The following DPP6 variants were observed in gnomAD, a reference collection of about 807,000 sequenced individuals.
The protein encoded by DPP6 is dipeptidyl peptidase like 6.
A neutral mutation model predicts 122.6 loss-of-function variants in DPP6; 69 were observed. The observed-to-expected ratio is 0.56, with a 90% CI of 0.46 to 0.69. The LOEUF is 0.69. DPP6 is among the 30% of genes least tolerant of loss of function. The pLI, the probability that DPP6 is intolerant of heterozygous loss-of-function variation, is 0.00. For synonymous variants in DPP6, 418 were observed against 433.1 expected, an observed-to-expected ratio of 0.97 and a Z score of 0.43; for missense variants, 928 against 1,116.9, an observed-to-expected ratio of 0.83 and a Z score of 2.41.
chr7:154,403,656 A>G lies in DPP6; in HGVS notation c.244-42558A>G, dbSNP rs1467373123. On this transcript the variant is annotated intron_variant, in intron 1 of 25. Coordinates refer to ENST00000377770, the MANE Select transcript of DPP6 (RefSeq NM_130797.4). This position sits in a 1 kb window ranked among gnomAD's most constrained non-coding sequence, Gnocchi z 4.1. Reference sequence around the variant, plus strand: ...TCATGGAACCTGTTTGGGGCACGTGAAGAGTGGGCCAGAGTGCCAGGGAGG... The same window carrying G: ...TCATGGAACCTGTTTGGGGCACGTGGAGAGTGGGCCAGAGTGCCAGGGAGG... 6.6e-6 allele frequency among the ~76,000 whole-genome samples: 1 copy of G among 152,208 alleles called. No individual in the cohort carries two copies. Among genetic ancestry groups the G allele is most frequent in the African/African-American group, 2.4e-5 (1 of 41,452 alleles).
Position 154,892,997 on chromosome 7 carries a change from A to G in DPP6, c.*517A>G, listed in dbSNP as rs764213061. The G allele has an allele frequency of 1.4e-5, 7 of 509,618 alleles. No homozygotes were observed. The highest frequency in any genetic ancestry group is 3.2e-4 in the Middle Eastern group (1 of 3,110). 31.6% of individuals were successfully genotyped at this position (509,618 alleles called of 1,614,324 possible). On this transcript the variant is annotated 3_prime_UTR_variant, in exon 26 of 26. Transcript: ENST00000377770. ...CTACTTCCTGTAATGAGGACGTTCA[A>G]CATGGTGAGGGGCTACAAGAAAACG...
At chr7:154,869,301 T>C (rs2150630115) in intron 18 of DPP6, among the ~76,000 whole-genome samples, 1 of 152,214 alleles carries the variant, frequency 6.6e-6, no homozygotes, top group Non-Finnish European at 1.5e-5. Flanking sequence ...CCTAACAGAC[T>C]CAGCTCCCAA....
At chr7:154,021,565 A>G (rs746846713) in intron 1 of DPP6, among the ~76,000 whole-genome samples, 29 of 152,170 alleles carry the variant, frequency 1.9e-4, no homozygotes, top group Admixed American at 3.3e-4. Flanking sequence ...AGAGGAAACC[A>G]TATATCCCAA....
rs1385798885 is a variant in DPP6 at position 154,889,357 on chromosome 7, A to G, written c.2377+13A>G. Reference sequence around the variant, plus strand: ...CCCACTGCCGATGGTAAGGACTGAAAACATGAATTCACTGTGTATCTAGTA... The same window carrying G: ...CCCACTGCCGATGGTAAGGACTGAAGACATGAATTCACTGTGTATCTAGTA... On this transcript the variant is annotated intron_variant, in intron 24 of 25. Coordinates refer to ENST00000377770, the MANE Select transcript of DPP6 (RefSeq NM_130797.4). 60 of 1,612,288 alleles carry G rather than the reference A, an allele frequency of 3.7e-5. No individual in the cohort carries two copies. Among genetic ancestry groups the G allele is most frequent in the Non-Finnish European group, 5.0e-5 (59 of 1,179,504 alleles).
intron 6 of DPP6, among the ~76,000 whole-genome samples, chr7:154,664,522 T>C (rs117805287): frequency 2.5e-3 from 376 of 152,338 alleles, no homozygotes; most frequent in Non-Finnish European, 3.9e-3. Flanking sequence ...TCAAGTGAAT[T>C]TGTTAGGCTT....
At chr7:154,025,071 T>C (rs918431844) in intron 1 of DPP6, among the ~76,000 whole-genome samples, 1 of 152,196 alleles carries the variant, frequency 6.6e-6, no homozygotes, top group African/African-American at 2.4e-5. Flanking sequence ...TAAAATAGTG[T>C]CAATTCTAGA....
chr7:154,325,054 A>G (rs980430710), intron 1 of DPP6, among the ~76,000 whole-genome samples: 1 of 151,878 alleles, frequency 6.6e-6, no homozygotes, highest in Non-Finnish European at 1.5e-5. Context: ...TTTAGTAGAG[A>G]CAAGGTTTTA....
chr7:153,871,349 G>T, the DPP6 span, among the ~76,000 whole-genome samples: 1 of 152,320 alleles, frequency 6.6e-6, no homozygotes, highest in African/African-American at 2.4e-5. Context: ...CCTTGGCAAT[G>T]GTGGGCGCCC....
At chr7:153,798,341 G>C in the DPP6 span, among the ~76,000 whole-genome samples, 1 of 152,162 alleles carries the variant, frequency 6.6e-6, no homozygotes, top group African/African-American at 2.4e-5. Flanking sequence ...AAGAGATATT[G>C]GTTCTTTGGT....
At chr7:154,704,407 A>G (rs1341218332) in intron 7 of DPP6, among the ~76,000 whole-genome samples, 1 of 152,250 alleles carries the variant, frequency 6.6e-6, no homozygotes, top group Non-Finnish European at 1.5e-5. Flanking sequence ...TAGTTGAGAA[A>G]GAAGCAGCAG....
chr7:154,788,628 C>T (rs1032583738), intron 10 of DPP6, among the ~76,000 whole-genome samples: 11 of 152,266 alleles, frequency 7.2e-5, no homozygotes, highest in African/African-American at 2.4e-4. Flanking sequence ...TGTGGAATTT[C>T]GGTTTTCCCA....
intron 3 of DPP6, among the ~76,000 whole-genome samples, chr7:154,523,542 T>A (rs1197269623): frequency 6.6e-6 from 1 of 152,250 alleles, no homozygotes; most frequent in East Asian, 1.9e-4. Context: ...TCAAATTCCC[T>A]TATTCAGTCT....
rs1834956534 is a variant in DPP6 at position 154,624,733 on chromosome 7, G to A, written c.628-13088G>A. Reference sequence around the variant, plus strand: ...CCAAGCCTGGAGCCTAGGAAACAGTGTCTCCCAGGAAGAAACCTGTTAATC... The same window carrying A: ...CCAAGCCTGGAGCCTAGGAAACAGTATCTCCCAGGAAGAAACCTGTTAATC... On this transcript the variant is annotated intron_variant, in intron 5 of 25. Transcript: ENST00000377770. This position sits in a 1 kb window ranked among gnomAD's most constrained non-coding sequence, Gnocchi z 4.7. 6.6e-6 allele frequency among the ~76,000 whole-genome samples: 1 copy of A among 152,124 alleles called. No homozygotes were observed. Among genetic ancestry groups the A allele is most frequent in the African/African-American group, 2.4e-5 (1 of 41,434 alleles).
At chr7:153,800,842 T>C in the DPP6 span, among the ~76,000 whole-genome samples, 1 of 152,138 alleles carries the variant, frequency 6.6e-6, no homozygotes, top group African/African-American at 2.4e-5. Context: ...TATTATATAT[T>C]TCAAAATAGC....
At chr7:154,742,852 T>A (rs772958438) in intron 8 of DPP6, among the ~76,000 whole-genome samples, 6 of 152,106 alleles carry the variant, frequency 3.9e-5, no homozygotes, top group Non-Finnish European at 8.8e-5. Flanking sequence ...GTATTTGGGA[T>A]CTCAAGAGCC....
At chr7:154,400,454 T>TGATCATGAATGA (rs1815474977) in intron 1 of DPP6, among the ~76,000 whole-genome samples, 1 of 152,228 alleles carries the variant, frequency 6.6e-6, no homozygotes. Context: ...TCTGAAATTA[T>TGATCATGAATGA]GATCATGAAT....
At chr7:154,838,333 C>T (rs1408073101) in intron 16 of DPP6, 1 of 152,206 alleles carries the variant, frequency 6.6e-6, no homozygotes, top group Non-Finnish European at 1.5e-5. Flanking sequence ...AGGAAACTTA[C>T]TGGGAAGCCC....
At position 154,885,672 on chromosome 7, in the gene DPP6, A is replaced by G; in HGVS notation, c.2173A>G (p.Lys725Glu). The change falls in exon 22 of 26, where the codon AAG becomes GAG. Residue 725 changes from lysine to glutamate, a missense_variant. Coordinates refer to ENST00000377770, the MANE Select transcript of DPP6 (RefSeq NM_130797.4). ...CCTGAGCACCTACATCCTCCCAGCA[A>G]AGGGAGAAAATCAAGGCCAGACATT... Reference protein sequence around the residue: ...GYLSTYILPAKGENQGQTFTC... With the variant: ...GYLSTYILPAEGENQGQTFTC... The G allele has an allele frequency of 6.3e-7, 1 of 1,592,952 alleles. No homozygotes were observed. The highest frequency in any genetic ancestry group is 8.5e-7 in the Non-Finnish European group (1 of 1,169,872).
chr7:154,302,911 A>G (rs977099037), intron 1 of DPP6, among the ~76,000 whole-genome samples: 4 of 152,142 alleles, frequency 2.6e-5, no homozygotes, highest in African/African-American at 9.7e-5. Flanking sequence ...GTGGGTTAGC[A>G]ATGAATCCTT....
Sources: allele counts gnomAD v4.1 joint callset (sites outside exome capture counted in the v4.1 genomes callset), GRCh38; gene constraint gnomAD v4.1.1; non-coding constraint Gnocchi (gnomAD v3.1); transcripts MANE v1.5; gene names NCBI Gene and HGNC (gene_info 2026-07-23, HGNC 2026-07-21).